Variants in PDIA6 observed in about 807,000 individuals in gnomAD.
The protein encoded by PDIA6 is protein disulfide isomerase family A member 6, also known as protein disulfide-isomerase A6.
PDIA6 carries 29 observed loss-of-function variants against 58.4 expected under a neutral mutation model. The ratio of observed to expected loss-of-function variants is 0.50; its 90% CI spans 0.37 to 0.68. PDIA6 has a LOEUF of 0.68. Among genes scored for constraint, PDIA6 ranks in the 30% least tolerant of loss-of-function variants. PDIA6 has a pLI of 0.00. For missense variants in PDIA6, 480 were observed against 551.0 expected, an observed-to-expected ratio of 0.87 and a Z score of 1.29; for synonymous variants, 192 against 202.6, an observed-to-expected ratio of 0.95 and a Z score of 0.44.
intron 10 of PDIA6, among the ~76,000 whole-genome samples, chr2:10,787,686 G>A (rs1056815822): frequency 2.0e-5 from 3 of 152,188 alleles, no homozygotes; most frequent in Non-Finnish European, 4.4e-5. Flanking sequence ...AATGGAGGAG[G>A]AGCAAGGTCA....
At chr2:10,785,150 T>C in intron 11 of PDIA6, 120 bp from the exon 12 acceptor site, 1 of 687,302 alleles carries the variant, frequency 1.5e-6, no homozygotes, top group Non-Finnish European at 2.6e-6. Flanking sequence ...ATTTCTTCTC[T>C]CTTGCTGCAC....
Position 10,784,004 on chromosome 2 carries a change from C to CAA in PDIA6, c.*252_*253dup, listed in dbSNP as rs1665566362. On this transcript the variant is annotated 3_prime_UTR_variant, in exon 13 of 13. Coordinates refer to ENST00000272227, the MANE Select transcript of PDIA6 (RefSeq NM_005742.4). ...TCAGAGAGAAAAATGTTTCGACAGC[C>CAA]AAGTTTTCTTCAAAATATTATGTGA... 2 of 314,672 alleles carry CAA rather than the reference C, an allele frequency of 6.4e-6. No homozygotes were observed. The highest frequency in any genetic ancestry group is 1.2e-5 in the Non-Finnish European group (2 of 173,584). The allele number at this position is 314,672 out of a possible 1,614,324, so 19.5% of individuals were successfully genotyped here.
intron 1 of PDIA6, among the ~76,000 whole-genome samples, chr2:10,822,881 C>A (rs116563553): frequency 6.6e-6 from 1 of 152,222 alleles, no homozygotes; most frequent in Non-Finnish European, 1.5e-5. Context: ...CAGCTTCCTG[C>A]GGACAAGACA....
At chr2:10,818,039 T>C (rs974350366) in intron 2 of PDIA6, among the ~76,000 whole-genome samples, 4 of 152,190 alleles carry the variant, frequency 2.6e-5, no homozygotes, top group African/African-American at 9.7e-5. Flanking sequence ...CTCTGGACTT[T>C]CTCATTCATT....
At chr2:10,819,465 T>C (rs79119167) in intron 1 of PDIA6, 13,192 of 663,534 alleles carry the variant, frequency 0.02, 184 homozygotes, top group Middle Eastern at 0.033. Flanking sequence ...CTGCTAAAAC[T>C]GCTTTTGTTA....
Position 10,818,478 on chromosome 2 carries a change from T to TTTTC in PDIA6, c.34+795_34+796insGAAA, listed in dbSNP as rs1221993631. On this transcript the variant is annotated intron_variant, in intron 2 of 13. Coordinates refer to the PDIA6 transcript ENST00000381611. ...CACTGTGCCCAGCTCACTTTAACCA[T>TTTTC]TTAATTTATTTATTTATTTATTTAT... is the stretch of plus-strand genomic sequence containing the variant. 1.1e-3 allele frequency among the ~76,000 whole-genome samples: 128 copies of TTTTC among 121,024 alleles called. 2 individuals are homozygous for TTTTC. The highest frequency in any genetic ancestry group is 3.4e-3 in the African/African-American group (122 of 36,056). The allele number at this position is 121,024 out of a possible 152,430, so 79.4% of individuals were successfully genotyped here.
chr2:10,830,314 C>T (rs1431276867), intron 1 of PDIA6, among the ~76,000 whole-genome samples: 4 of 152,258 alleles, frequency 2.6e-5, no homozygotes, highest in African/African-American at 7.2e-5. Flanking sequence ...TGTGGACCTC[C>T]GTGCCTATCA....
chr2:10,818,478 T>TTTTCTTTC (rs1221993631), intron 2 of PDIA6, among the ~76,000 whole-genome samples: 3 of 120,946 alleles, frequency 2.5e-5, no homozygotes, highest in African/African-American at 8.3e-5. Context: ...ACTTTAACCA[T>TTTTCTTTC]TTAATTTATT....
chr2:10,811,079 C>T (rs2148564790), intron 1 of PDIA6, among the ~76,000 whole-genome samples: 1 of 152,264 alleles, frequency 6.6e-6, no homozygotes, highest in Admixed American at 6.5e-5. Flanking sequence ...ATGAGGTTTC[C>T]CAGAAAGGCT....
chr2:10,808,970 C>T (rs1374291466), intron 1 of PDIA6, among the ~76,000 whole-genome samples: 10 of 152,088 alleles, frequency 6.6e-5, no homozygotes, highest in Admixed American at 2.0e-4. Flanking sequence ...CCATCATGCC[C>T]GGCTAATTTT....
chr2:10,831,000 C>A (rs1307161208), intron 1 of PDIA6, among the ~76,000 whole-genome samples: 1 of 152,210 alleles, frequency 6.6e-6, no homozygotes, highest in Non-Finnish European at 1.5e-5. Flanking sequence ...CCCAGCCCCT[C>A]ACTGTCCCTG....
Position 10,788,928 on chromosome 2 carries a change from AAC to A in PDIA6, c.892_893del (p.Val298CysfsTer9). Reference sequence around the variant, plus strand: ...CAAGGATATGGGGCAGCACAGCCACAACACAGAGCTGGTGCTCCTCACACGTC... The same window carrying A: ...CAAGGATATGGGGCAGCACAGCCACAACAGAGCTGGTGCTCCTCACACGTC... ...KRTCEEHQLC[V>X]VAVLPHILDT... is the part of the protein sequence containing the mutation. On this transcript the variant is annotated frameshift_variant, in exon 9 of 13. Coordinates refer to ENST00000272227, the MANE Select transcript of PDIA6 (RefSeq NM_005742.4). LOFTEE classifies it high-confidence loss of function. The A allele has an allele frequency of 6.2e-7, 1 of 1,614,172 alleles. No homozygotes were observed. Among genetic ancestry groups the A allele is most frequent in the Non-Finnish European group, 8.5e-7 (1 of 1,179,958 alleles).
rs562314925 is a variant in PDIA6, at chr2:10,795,187, G to A, written c.346+1894C>T. Among the ~76,000 whole-genome samples, 50 of 152,204 alleles carry A rather than the reference G, an allele frequency of 3.3e-4. 1 individual carries two copies. Among genetic ancestry groups the A allele is most frequent in the African/African-American group, 1.2e-3 (48 of 41,506 alleles). ...TATACTAGGAAAAAAACTTTTCAGC[G>A]TTTTGGGCCATACTGTCTATTGCAA... On this transcript the variant is annotated intron_variant, in intron 4 of 12. Transcript: ENST00000272227.
At chr2:10,815,947 C>T (rs1011672780), upstream of PDIA6, among the ~76,000 whole-genome samples, 1 of 152,142 alleles carries the variant, frequency 6.6e-6, no homozygotes. Context: ...TCACCTTAAA[C>T]AGAACCTCTG....
chr2:10,784,726 T>G, intron 12 of PDIA6: 1 of 559,424 alleles, frequency 1.8e-6, no homozygotes, highest in Non-Finnish European at 3.2e-6. Context: ...AAATGTATCT[T>G]GGCTGTCAAG....
chr2:10,819,345 G>C, exon 2 of PDIA6: 1 of 1,531,774 alleles, frequency 6.5e-7, no homozygotes, highest in Non-Finnish European at 8.9e-7. Flanking sequence ...GGCAGGAGAA[G>C]TTGGTGAGCC....
chr2:10,806,312 T>C (rs1301968786), intron 1 of PDIA6, among the ~76,000 whole-genome samples: 1 of 146,422 alleles, frequency 6.8e-6, no homozygotes, highest in African/African-American at 2.5e-5. Flanking sequence ...AGGCTACGGG[T>C]GCAGTGGGCT....
At chr2:10,836,297 A>G (rs1667831057), upstream of PDIA6, among the ~76,000 whole-genome samples, 2 of 152,188 alleles carry the variant, frequency 1.3e-5, no homozygotes, top group Admixed American at 1.3e-4. Flanking sequence ...AGACACTGGC[A>G]ACGTCAGGCC....
At chr2:10,836,990 C>T (rs1021094812), upstream of PDIA6, among the ~76,000 whole-genome samples, 4 of 152,174 alleles carry the variant, frequency 2.6e-5, no homozygotes, top group Non-Finnish European at 5.9e-5. Flanking sequence ...CATTCTCATT[C>T]ATGATGGTTA....
Sources: gnomAD v4.1 joint callset for allele counts (sites outside exome capture counted in the v4.1 genomes callset) on GRCh38, gnomAD v4.1.1 for gene constraint, MANE v1.5 for transcripts, NCBI Gene and HGNC (gene_info 2026-07-23, HGNC 2026-07-21) for gene names.